The following RUNX1T1 variants were observed in gnomAD, a reference collection of about 807,000 sequenced individuals.
RUNX1T1 encodes protein CBFA2T1.
RUNX1T1 carries 4 observed loss-of-function variants against 62.8 expected under a neutral mutation model. The observed-to-expected ratio is 0.06, with a 90% CI of 0.03 to 0.15. The LOEUF is 0.15. Among genes scored for constraint, RUNX1T1 ranks in the 10% least tolerant of loss-of-function variants. The pLI, the probability that RUNX1T1 is intolerant of heterozygous loss-of-function variation, is 1.00. For synonymous variants in RUNX1T1, 291 were observed against 286.0 expected (o/e 1.02, Z -0.18); for missense variants, 508 against 754.3 (o/e 0.67, Z 3.82).
intron 1 of RUNX1T1, among the ~76,000 whole-genome samples, chr8:92,035,148 A>G (rs1827170089): frequency 6.6e-6 from 1 of 152,002 alleles, no homozygotes; most frequent in South Asian, 2.1e-4. Flanking sequence ...TATAAAAATT[A>G]GCTGGGTGTG....
rs1016043453 is a variant in RUNX1T1 at position 91,994,009 on chromosome 8, C to A, written c.660-2120G>T. On this transcript the variant is annotated intron_variant, in intron 5 of 10. Transcript: ENST00000396218. The stretch of plus-strand genomic sequence containing the variant: ...CTCTTTCTTAAAACAACAACAACAA[C>A]AACAAAAAAACTGAGGGTAAATCTG... Among the ~76,000 whole-genome samples, 95 of 151,966 alleles carry A rather than the reference C, an allele frequency of 6.3e-4. 1 individual carries two copies. Among genetic ancestry groups the A allele is most frequent in the African/African-American group, 2.2e-3 (91 of 41,420 alleles).
intron 1 of RUNX1T1, among the ~76,000 whole-genome samples, chr8:92,021,346 C>G (rs1277521995): frequency 6.6e-6 from 1 of 152,144 alleles, no homozygotes; most frequent in Non-Finnish European, 1.5e-5. Context: ...ACTCCAATGT[C>G]TGGGTGTCAG....
upstream of RUNX1T1, among the ~76,000 whole-genome samples, chr8:92,066,728 C>T (rs945887366): frequency 6.6e-6 from 1 of 152,138 alleles, no homozygotes; most frequent in Non-Finnish European, 1.5e-5. Context: ...AAAGATAAAT[C>T]CAATTATACT....
chr8:91,958,099 C>G (rs557075914), downstream of RUNX1T1: 3 of 110,272 alleles, frequency 2.7e-5, no homozygotes, highest in Admixed American at 2.7e-4. Flanking sequence ...ACCCTCCCCC[C>G]ACCCCCCGCC....
chr8:92,023,397 A>C (rs1032603355), intron 1 of RUNX1T1, among the ~76,000 whole-genome samples: 1 of 152,208 alleles, frequency 6.6e-6, no homozygotes, highest in Non-Finnish European at 1.5e-5. Flanking sequence ...TAATGAAGTG[A>C]CCACAAATAC....
At chr8:92,020,967 T>A (rs1031682849) in intron 1 of RUNX1T1, among the ~76,000 whole-genome samples, 17 of 152,116 alleles carry the variant, frequency 1.1e-4, no homozygotes, top group African/African-American at 3.6e-4. Flanking sequence ...CTTGTTTACA[T>A]AGCATTCTAG....
chr8:92,001,462 GAAT>G (rs1819746693), intron 5 of RUNX1T1, among the ~76,000 whole-genome samples: 1 of 152,168 alleles, frequency 6.6e-6, no homozygotes, highest in Non-Finnish European at 1.5e-5. Flanking sequence ...TATTTTTAGA[GAAT>G]AATGTTTAAC....
chr8:92,017,341 T>G, exon 2 of RUNX1T1: 1 of 1,614,026 alleles, frequency 6.2e-7, no homozygotes, highest in Non-Finnish European at 8.5e-7. Context: ...AGTCTGGCAT[T>G]GTGGAGTGCT....
At chr8:91,958,728 CAA>C (rs34044770), downstream of RUNX1T1, 28,967 of 131,040 alleles carry the variant, frequency 0.22, 1,755 homozygotes, top group Admixed American at 0.29. Flanking sequence ...AGAATTTGCT[CAA>C]AAAAAAAAAA....
intron 8 of RUNX1T1, among the ~76,000 whole-genome samples, chr8:91,977,928 C>G (rs542639302): frequency 6.6e-6 from 1 of 152,226 alleles, no homozygotes; most frequent in South Asian, 2.1e-4. Flanking sequence ...GCTCGGATTA[C>G]AGGTGCATGC....
chr8:92,055,082 A>G (rs1196729207), intron 1 of RUNX1T1, among the ~76,000 whole-genome samples: 3 of 152,182 alleles, frequency 2.0e-5, no homozygotes, highest in African/African-American at 7.2e-5. Context: ...TAAGTACAAC[A>G]ATTTTAAACA....
chr8:92,048,777 G>A, intron 1 of RUNX1T1, among the ~76,000 whole-genome samples: 1 of 151,468 alleles, frequency 6.6e-6, no homozygotes, highest in African/African-American at 2.4e-5. Context: ...TGAAAAACAT[G>A]TGAGAGAAAT....
intron 10 of RUNX1T1, among the ~76,000 whole-genome samples, chr8:91,965,977 C>G (rs1811516102): frequency 6.6e-6 from 1 of 151,944 alleles, no homozygotes. Flanking sequence ...AGGCAGATCA[C>G]AGAAACGTTA....
At chr8:91,975,492 T>G (rs1271869857) in intron 9 of RUNX1T1, among the ~76,000 whole-genome samples, 1 of 152,076 alleles carries the variant, frequency 6.6e-6, no homozygotes, top group African/African-American at 2.4e-5. Flanking sequence ...TTCGTTTTTT[T>G]TTTTTTTGGA....
At chr8:91,985,337 G>C (rs887490211) in intron 8 of RUNX1T1, among the ~76,000 whole-genome samples, 5 of 152,138 alleles carry the variant, frequency 3.3e-5, no homozygotes, top group Admixed American at 2.6e-4. Context: ...CTTTCAGGTT[G>C]AAGATTTCTT....
At chr8:92,031,944 A>G (rs993129971) in intron 1 of RUNX1T1, among the ~76,000 whole-genome samples, 2 of 151,616 alleles carry the variant, frequency 1.3e-5, no homozygotes, top group African/African-American at 2.4e-5. Flanking sequence ...ATACAAAATA[A>G]TTAGCCAGGC....
intron 2 of RUNX1T1, among the ~76,000 whole-genome samples, chr8:92,070,836 A>G (rs937844310): frequency 1.3e-5 from 2 of 152,250 alleles, no homozygotes; most frequent in African/African-American, 4.8e-5. Context: ...TCTGCATGAC[A>G]GAATCCTAAT....
At chr8:91,996,068 A>G (rs1818601436) in intron 5 of RUNX1T1, among the ~76,000 whole-genome samples, 1 of 152,242 alleles carries the variant, frequency 6.6e-6, no homozygotes, top group Non-Finnish European at 1.5e-5. Context: ...ATTAGCGAAG[A>G]CTTTTCATTG....
chr8:92,065,900 C>T (rs558853059), upstream of RUNX1T1, among the ~76,000 whole-genome samples: 1 of 152,242 alleles, frequency 6.6e-6, no homozygotes, highest in Non-Finnish European at 1.5e-5. Flanking sequence ...GAGCTGAAAC[C>T]TCATTGATCC....
Sources: gnomAD v4.1 joint callset for allele counts (sites outside exome capture counted in the v4.1 genomes callset) on GRCh38, gnomAD v4.1.1 for gene constraint, MANE v1.5 for transcripts, NCBI Gene and HGNC (gene_info 2026-07-23, HGNC 2026-07-21) for gene names.